Variants in TTF2 observed in about 807,000 individuals in gnomAD.
The protein encoded by TTF2 is RNA polymerase II termination factor.
In TTF2, 108 loss-of-function variants were observed where a neutral mutation model predicts 142.4. That is an observed-to-expected ratio of 0.76 (90% CI 0.65 to 0.89). The LOEUF (loss-of-function observed/expected upper bound fraction) is 0.89, where lower values mean the gene tolerates loss of function less well. Among genes scored for constraint, TTF2 ranks in the 40% least tolerant of loss-of-function variants. TTF2 has a pLI of 0.00. For missense variants in TTF2, 1,327 were observed against 1,379.8 expected, an observed-to-expected ratio of 0.96 and a Z score of 0.61; for synonymous variants, 483 against 506.2, an observed-to-expected ratio of 0.95 and a Z score of 0.61.
At position 117,100,815 on chromosome 1, in the gene TTF2, C is replaced by A. The variant is rs1308174796; in HGVS notation, c.3345-565C>A. Reference sequence around the variant, plus strand: ...ACTTCCATTATAGCACTTACCAGGTCATATTATTGTTTATTTTCATGTTTG... The same window carrying A: ...ACTTCCATTATAGCACTTACCAGGTAATATTATTGTTTATTTTCATGTTTG... On this transcript the variant is annotated intron_variant, in intron 22 of 22. Transcript: ENST00000369466. The surrounding 1 kb of genome is among the most constrained non-coding windows in gnomAD (Gnocchi z 4.6). Among the ~76,000 whole-genome samples, 1 of 152,148 alleles carries A rather than the reference C, an allele frequency of 6.6e-6. No homozygotes were observed. The highest frequency in any genetic ancestry group is 1.5e-5 in the Non-Finnish European group (1 of 68,034).
chr1:117,098,644 C>T, intron 21 of TTF2, 189 bp from the exon 22 acceptor site: 1 of 512,246 alleles, frequency 2.0e-6, no homozygotes, highest in South Asian at 3.0e-5. Context: ...TTTCAGGCCA[C>T]ATAGTTCTCT....
Position 117,092,963 on chromosome 1 carries a change from G to T in TTF2, c.2976+62G>T. 1 of 1,584,006 alleles carries T rather than the reference G, an allele frequency of 6.3e-7. No individual in the cohort carries two copies. The highest frequency in any genetic ancestry group is 1.1e-5 in the South Asian group (1 of 87,530). On this transcript the variant is annotated intron_variant, in intron 18 of 22. Coordinates refer to ENST00000369466, the MANE Select transcript of TTF2 (RefSeq NM_003594.4). The surrounding 1 kb of genome is among the most constrained non-coding windows in gnomAD (Gnocchi z 4.4). The stretch of plus-strand genomic sequence containing the variant: ...CGATTCCTCACACATTTTCCTGTGT[G>T]ACAGCACTTCATTTGTCCAAGTGGG...
At chr1:117,082,061 GAAAA>G in intron 10 of TTF2, 114 bp downstream of exon 10, 8 of 1,466,616 alleles carry the variant, frequency 5.5e-6, no homozygotes, top group Non-Finnish European at 7.6e-6. Context: ...TACTCTACTG[GAAAA>G]CCAGTATTAG....
At position 117,075,264 on chromosome 1, in the gene TTF2, A is replaced by G; in HGVS notation, c.680A>G (p.Asn227Ser). ...SEIKSQQCQG[N>S]ELTRPSASSQ... ...ATTAAATCTCAACAGTGCCAAGGTA[A>G]TGAGCTTACAAGACCATCTGCATCT... The change falls in exon 5 of 23, where the codon AAT becomes AGT. Residue 227 changes from asparagine to serine, a missense_variant. Asn to Ser is a conservative substitution (Grantham distance 46). Transcript: ENST00000369466. The surrounding 1 kb of genome is among the most constrained non-coding windows in gnomAD (Gnocchi z 4.5). 6.2e-7 allele frequency: 1 copy of G among 1,614,248 alleles called. No individual in the cohort carries two copies. The highest frequency in any genetic ancestry group is 8.5e-7 in the Non-Finnish European group (1 of 1,180,036).
chr1:117,079,708 C>T lies in TTF2; in HGVS notation c.1783+59C>T, dbSNP rs777463145. 4.0e-6 allele frequency: 6 copies of T among 1,494,932 alleles called. No individual in the cohort carries two copies. The highest frequency in any genetic ancestry group is 1.7e-4 in the Middle Eastern group (1 of 5,910). 92.6% of individuals were successfully genotyped at this position (1,494,932 alleles called of 1,614,324 possible). ...GAATGCTTAGGCATTGTGCTAAACACGTAGTGTTGTTTCATTTATTCCTCT... is the reference window on the plus strand; with the variant it reads ...GAATGCTTAGGCATTGTGCTAAACATGTAGTGTTGTTTCATTTATTCCTCT... On this transcript the variant is annotated intron_variant, in intron 9 of 22. Coordinates refer to ENST00000369466, the MANE Select transcript of TTF2 (RefSeq NM_003594.4). This position sits in a 1 kb window ranked among gnomAD's most constrained non-coding sequence, Gnocchi z 4.2.
intron 9 of TTF2, among the ~76,000 whole-genome samples, chr1:117,081,092 T>A (rs146646197): frequency 1.8e-4 from 27 of 152,330 alleles, no homozygotes; most frequent in African/African-American, 6.3e-4. Context: ...CATCCGAGTT[T>A]CCAGAGGCAA....
chr1:117,074,806 A>G (rs1160304585), intron 4 of TTF2, 64 bp from the exon 5 acceptor site: 2 of 1,410,432 alleles, frequency 1.4e-6, no homozygotes, highest in Non-Finnish European at 1.9e-6. Context: ...ATGAAAAGGA[A>G]AGGCATTCTA....
Position 117,081,851 on chromosome 1 carries a change from AC to A in TTF2, c.1810del (p.Leu604Ter), listed in dbSNP as rs1647539567. 6.2e-7 allele frequency: 1 copy of A among 1,613,876 alleles called. No individual in the cohort carries two copies. Among genetic ancestry groups the A allele is most frequent in the Non-Finnish European group, 8.5e-7 (1 of 1,179,984 alleles). On this transcript the variant is annotated frameshift_variant, in exon 10 of 23. Coordinates refer to ENST00000369466, the MANE Select transcript of TTF2 (RefSeq NM_003594.4). LOFTEE classifies it high-confidence loss of function. ...AGCAGATGATATGGGCTTAGGAAAA[AC>A]CCTGACAATGATTGCGCTCATCCTG... ...ILADDMGLGK[T>X]LTMIALILTQ...
intron 3 of TTF2, among the ~76,000 whole-genome samples, chr1:117,069,701 G>A (rs74111938): frequency 0.017 from 2,584 of 152,332 alleles, 80 homozygotes; most frequent in African/African-American, 0.058. Flanking sequence ...TTAGGTGGTA[G>A]GGCTGGGATT....
At position 117,101,496 on chromosome 1, in the gene TTF2, C is replaced by G. The variant is rs1220907849; in HGVS notation, c.3461C>G (p.Ala1154Gly). The change falls in exon 23 of 23, where the codon GCT (alanine) becomes GGT (glycine). Residue 1154 changes from alanine to glycine, a missense_variant. Physicochemically the swap from Ala to Gly is moderately conservative, Grantham distance 60 (BLOSUM62 0). Transcript: ENST00000369466. This position sits in a 1 kb window ranked among gnomAD's most constrained non-coding sequence, Gnocchi z 5.9. ...GAATCTGTCACCAAGCTCACCTTGG[C>G]TGACCTCAGAGTCCTTTTTGGCATC... is the stretch of plus-strand genomic sequence containing the variant. The part of the protein sequence containing the change: ...SGESVTKLTL[A>G]DLRVLFGI 1.9e-6 allele frequency: 3 copies of G among 1,600,108 alleles called. No homozygotes were observed. In the South Asian group the frequency reaches 3.4e-5, roughly 18 times the overall value.
rs924601242 is a variant in TTF2, at chr1:117,060,505, A to C, written c.79A>C (p.Lys27Gln). 3.1e-6 allele frequency: 5 copies of C among 1,613,966 alleles called. No individual in the cohort carries two copies. The African/African-American group carries it at 6.7e-5, about 22-fold the overall frequency. Residue 27 changes from lysine (K) to glutamine (Q), a missense_variant, in exon 2 of 23, where the codon AAG becomes CAG. By Grantham distance (53) the Lys-to-Gln change is moderately conservative (BLOSUM62 1). Coordinates refer to ENST00000369466, the MANE Select transcript of TTF2 (RefSeq NM_003594.4). ...TGVRDGPNKG[K>Q]SFYVCRADTC... The stretch of plus-strand genomic sequence containing the variant: ...CGTCCGCGATGGCCCGAATAAAGGA[A>C]AGAGCTTCTACGTGTGCCGGGCAGA...
chr1:117,095,483 T>C (rs1346818871), intron 19 of TTF2, 116 bp downstream of exon 19: 1 of 874,038 alleles, frequency 1.1e-6, no homozygotes, highest in Non-Finnish European at 1.9e-6. Context: ...GCACTGAGGT[T>C]ATAGCACACA....
In TTF2 at chr1:117,102,873, A is replaced by G. The variant is rs1649695236; in HGVS notation, c.*1349A>G. ...TGTGTTTGACAGTGTAGCAGAAATA[A>G]TGCTATGTGTTCACCAAACCCACTT... is the stretch of plus-strand genomic sequence containing the variant. On this transcript the variant is annotated 3_prime_UTR_variant, in exon 23 of 23. Transcript: ENST00000369466. 1 of 152,242 alleles carries G rather than the reference A, an allele frequency of 6.6e-6. No homozygotes were observed. The allele number at this position is 152,242 out of a possible 1,614,324, so 9.4% of individuals were successfully genotyped here. A position where few individuals can be genotyped will look rare whatever the true frequency, so the allele number is the denominator to read the frequency against.
At position 117,090,186 on chromosome 1, in the gene TTF2, T is replaced by C. The variant is rs558585404; in HGVS notation, c.2474T>C (p.Leu825Pro). The C allele has an allele frequency of 5.6e-5, 91 of 1,614,086 alleles. No individual in the cohort carries two copies. In the Admixed American group the frequency reaches 1.5e-3, roughly 26 times the overall value. ...TTGCTGAGGAGAACAAAAGACCAGC[T>C]GGACTCTACTGGCAGACCTTTGGTA... The part of the protein sequence containing the change: ...SLLLRRTKDQ[L>P]DSTGRPLVIL... Residue 825 changes from leucine to proline, a missense_variant, in exon 14 of 23, where the codon CTG (leucine) becomes CCG (proline). Coordinates refer to ENST00000369466, the MANE Select transcript of TTF2 (RefSeq NM_003594.4). This position sits in a 1 kb window ranked among gnomAD's most constrained non-coding sequence, Gnocchi z 4.8.
In TTF2 at chr1:117,099,078, T is replaced by C. The variant is rs557030681; in HGVS notation, c.3344+171T>C. ...CACAGTCAGGAGAAAAACGAGCAAT[T>C]TGGGGTAAGCTTGAAGTTGGTCACT... On this transcript the variant is annotated intron_variant, in intron 22 of 22. Transcript: ENST00000369466. This position sits in a 1 kb window ranked among gnomAD's most constrained non-coding sequence, Gnocchi z 4.3. Among the ~76,000 whole-genome samples, 1 of 152,134 alleles carries C rather than the reference T, an allele frequency of 6.6e-6. No homozygotes were observed. Among genetic ancestry groups the C allele is most frequent in the South Asian group, 2.1e-4 (1 of 4,796 alleles).
intron 3 of TTF2, among the ~76,000 whole-genome samples, chr1:117,066,433 T>C (rs1448629433): frequency 6.6e-6 from 1 of 152,134 alleles, no homozygotes; most frequent in African/African-American, 2.4e-5. Context: ...GTAGGGCATA[T>C]AAACGTGTTC....
chr1:117,077,069 T>A (rs781127227), intron 7 of TTF2, among the ~76,000 whole-genome samples: 5 of 151,986 alleles, frequency 3.3e-5, no homozygotes, highest in Admixed American at 6.6e-5. Context: ...ATGCTTTCTG[T>A]CCCTAATGTA....
At position 117,062,492 on chromosome 1, in the gene TTF2, C is replaced by G; in HGVS notation, c.218+19C>G. The G allele has an allele frequency of 6.5e-7, 1 of 1,542,908 alleles. No homozygotes were observed. The highest frequency in any genetic ancestry group is 8.8e-7 in the Non-Finnish European group (1 of 1,135,984). Reference sequence around the variant, plus strand: ...AATACAGGTAAGGGTCCAAAAGGAACATCTAAGTGTATTTGCTTTTTTTTT... The same window carrying G: ...AATACAGGTAAGGGTCCAAAAGGAAGATCTAAGTGTATTTGCTTTTTTTTT... On this transcript the variant is annotated intron_variant, in intron 3 of 22. Transcript: ENST00000369466.
rs376509444 is a variant in TTF2 at position 117,094,199 on chromosome 1, G to C, written c.2977-1110G>C. ...GACCACTGTAATGACATCCTAGAAT[G>C]TGGGAGCTCAGGGCACCTCAGAATT... On this transcript the variant is annotated intron_variant, in intron 18 of 22. Coordinates refer to ENST00000369466, the MANE Select transcript of TTF2 (RefSeq NM_003594.4). 2.2e-4 allele frequency among the ~76,000 whole-genome samples: 34 copies of C among 152,336 alleles called. No individual in the cohort carries two copies. In the South Asian group the frequency reaches 5.8e-3, roughly 26 times the overall value.
Sources: gnomAD v4.1 joint callset for allele counts (sites outside exome capture counted in the v4.1 genomes callset) on GRCh38, gnomAD v4.1.1 for gene constraint, Gnocchi (gnomAD v3.1) non-coding constraint, MANE v1.5 for transcripts, NCBI Gene and HGNC (gene_info 2026-07-23, HGNC 2026-07-21) for gene names.